The following ITPA variants were observed in gnomAD, a reference collection of about 807,000 sequenced individuals.
ITPA encodes inosine triphosphate pyrophosphatase.
A neutral mutation model predicts 29.6 loss-of-function variants in ITPA; 29 were observed. That is an observed-to-expected ratio of 0.98 (90% CI 0.73 to 1.34). The LOEUF (loss-of-function observed/expected upper bound fraction) is 1.34. Ranked by LOEUF, ITPA falls within the 40% of genes most tolerant of loss-of-function variation. The pLI, the probability that ITPA is intolerant of heterozygous loss-of-function variation, is 0.00. For missense variants in ITPA, 241 were observed against 251.5 expected, an observed-to-expected ratio of 0.96 and a Z score of 0.28; for synonymous variants, 103 against 99.3, an observed-to-expected ratio of 1.04 and a Z score of -0.22.
In ITPA at chr20:3,218,645, C is replaced by A. The variant is rs770278532; in HGVS notation, c.411+13C>A. 7 of 1,593,428 alleles carry A rather than the reference C, an allele frequency of 4.4e-6. No homozygotes were observed. In the South Asian group the frequency reaches 6.6e-5, roughly 15 times the overall value. On this transcript the variant is annotated intron_variant, in intron 6 of 7. Coordinates refer to ENST00000380113, the MANE Select transcript of ITPA (RefSeq NM_033453.4). ...GGGCCGGACCTCGGTGCGTACCCAC[C>A]TTGATGCAGTTCCCGCCGCGCGCCG...
chr20:3,214,082 TACAGGGCGTCAGG>T, intron 4 of ITPA, 24 bp downstream of exon 4: 1 of 1,611,296 alleles, frequency 6.2e-7, no homozygotes, highest in Non-Finnish European at 8.5e-7. Flanking sequence ...TCCACCCCCT[TACAGGGCGTCAGG>T]CCCAAAACCA....
downstream of ITPA, chr20:3,227,406 C>T (rs1298062918): frequency 3.5e-6 from 1 of 285,508 alleles, no homozygotes; most frequent in African/African-American, 2.2e-5. Context: ...AGCAGGGACA[C>T]AGGTGGCACA....
intron 2 of ITPA, 22 bp downstream of exon 2, chr20:3,213,248 T>TTTTTAAAAGATTTTGGA: frequency 6.2e-7 from 1 of 1,614,204 alleles, no homozygotes; most frequent in Non-Finnish European, 8.5e-7. Context: ...TTTTGTTTTA[T>TTTTTAAAAGATTTTGGA]TTTTAAAAGA....
chr20:3,221,614 C>T, intron 6 of ITPA: 2 of 630,608 alleles, frequency 3.2e-6, no homozygotes, highest in Non-Finnish European at 5.8e-6. Context: ...TGCTGGTGGT[C>T]CTGTGGGTCC....
chr20:3,214,334 A>G (rs2067243166), intron 4 of ITPA, among the ~76,000 whole-genome samples: 1 of 150,858 alleles, frequency 6.6e-6, no homozygotes, highest in Non-Finnish European at 1.5e-5. Flanking sequence ...AGGAAGTTGG[A>G]ATCTAAAACT....
chr20:3,213,171 C>T lies in ITPA; in HGVS notation c.69C>T (p.Val23=), dbSNP rs757523885. ...TGTTCTCTTTTCTCTTGGAACAGGTCGTTCAGATTCTAGGAGATAAGTTTC... is the reference window on the plus strand; with the variant it reads ...TGTTCTCTTTTCTCTTGGAACAGGTTGTTCAGATTCTAGGAGATAAGTTTC... ...VTGNAKKLEE[V]VQILGDKFPC... is the part of the protein sequence containing the mutation. The change falls in exon 2 of 8, where the codon GTC becomes GTT. Residue 23 remains valine (V), a splice_region_variant and synonymous_variant. Coordinates refer to ENST00000380113, the MANE Select transcript of ITPA (RefSeq NM_033453.4). 6.2e-6 allele frequency: 10 copies of T among 1,613,568 alleles called. No individual in the cohort carries two copies. The East Asian group carries it at 8.9e-5, about 14-fold the overall frequency.
At chr20:3,216,092 G>T (rs563708956) in intron 5 of ITPA, among the ~76,000 whole-genome samples, 24 of 151,896 alleles carry the variant, frequency 1.6e-4, no homozygotes, top group Admixed American at 1.4e-3. Context: ...CCTGGTTCAA[G>T]CGATCCTCCT....
chr20:3,204,179 G>A (rs1305893922), upstream of ITPA, among the ~76,000 whole-genome samples: 1 of 152,192 alleles, frequency 6.6e-6, no homozygotes, highest in African/African-American at 2.4e-5. Context: ...AGGCTGGGAG[G>A]AATGGAAAAC....
chr20:3,218,463 G>A, intron 5 of ITPA, 54 bp from the exon 6 acceptor site: 1 of 1,236,910 alleles, frequency 8.1e-7, no homozygotes, highest in Non-Finnish European at 1.2e-6. Flanking sequence ...TCTTGGGAGT[G>A]GGGGTGGGAG....
intron 1 of ITPA, among the ~76,000 whole-genome samples, chr20:3,211,797 G>T (rs2122302128): frequency 1.3e-5 from 2 of 152,244 alleles, no homozygotes; most frequent in Admixed American, 1.3e-4. Context: ...TGGCCGAACG[G>T]GTAGTCTTAA....
chr20:3,216,412 C>G (rs942348568), intron 5 of ITPA, among the ~76,000 whole-genome samples: 2 of 151,230 alleles, frequency 1.3e-5, no homozygotes, highest in Admixed American at 1.3e-4. Context: ...CCTGCCTCGG[C>G]CTCCCAAAGT....
chr20:3,206,640 C>A (rs1357000744), upstream of ITPA, among the ~76,000 whole-genome samples: 1 of 151,520 alleles, frequency 6.6e-6, no homozygotes, highest in Non-Finnish European at 1.5e-5. Flanking sequence ...ACCATCCTGG[C>A]TAACACGGTG....
At position 3,222,040 on chromosome 20, in the gene ITPA, T is replaced by A. The variant is rs1290854762; in HGVS notation, c.488+123T>A. 4.3e-6 allele frequency: 4 copies of A among 935,588 alleles called. No individual in the cohort carries two copies. In the Admixed American group the frequency reaches 7.7e-5, roughly 18 times the overall value. The allele number at this position is 935,588 out of a possible 1,614,324, so 58.0% of individuals were successfully genotyped here. On this transcript the variant is annotated intron_variant, in intron 7 of 7. Transcript: ENST00000380113. ...GGCAGGGGAGGCTCCCAGGGTGCTGTTCCAGCCACAGGCAGCTCTGCTGGG... is the reference window on the plus strand; with the variant it reads ...GGCAGGGGAGGCTCCCAGGGTGCTGATCCAGCCACAGGCAGCTCTGCTGGG...
At chr20:3,206,646 C>T (rs1208581177), upstream of ITPA, among the ~76,000 whole-genome samples, 9 of 151,352 alleles carry the variant, frequency 5.9e-5, no homozygotes, top group South Asian at 2.1e-4. Flanking sequence ...CTGGCTAACA[C>T]GGTGAAACCC....
chr20:3,221,183 C>T (rs373603074), intron 6 of ITPA, among the ~76,000 whole-genome samples: 17 of 151,772 alleles, frequency 1.1e-4, no homozygotes, highest in Admixed American at 5.2e-4. Flanking sequence ...TGAGCCACCG[C>T]GCCTGGCCAG....
At chr20:3,210,038 C>T (rs2067137373) in intron 1 of ITPA, among the ~76,000 whole-genome samples, 1 of 152,194 alleles carries the variant, frequency 6.6e-6, no homozygotes, top group South Asian at 2.1e-4. Flanking sequence ...GAGTTCCACA[C>T]TGAGCAGTCC....
intron 5 of ITPA, 89 bp from the exon 6 acceptor site, chr20:3,218,428 C>G (rs1471449982): frequency 1.1e-6 from 1 of 936,172 alleles, no homozygotes; most frequent in African/African-American, 1.6e-5. Flanking sequence ...TTAGGGAATT[C>G]CTCCCTCCCC....
At chr20:3,216,970 T>TTC (rs2067319517) in intron 5 of ITPA, among the ~76,000 whole-genome samples, 1 of 151,914 alleles carries the variant, frequency 6.6e-6, no homozygotes, top group Non-Finnish European at 1.5e-5. Flanking sequence ...AACCTCTGCC[T>TTC]CCTGAGTTCA....
At chr20:3,204,471 G>C (rs919810163), upstream of ITPA, 1 of 1,484,246 alleles carries the variant, frequency 6.7e-7, no homozygotes, top group South Asian at 1.2e-5. Context: ...CGGCGCGACG[G>C]TCCACAAAGG....
Sources: allele counts gnomAD v4.1 joint callset (sites outside exome capture counted in the v4.1 genomes callset), GRCh38; gene constraint gnomAD v4.1.1; transcripts MANE v1.5; gene names NCBI Gene and HGNC (gene_info 2026-07-23, HGNC 2026-07-21).